Variants in SEPTIN7 observed in about 807,000 individuals in gnomAD.
SEPTIN7 encodes septin-7.
In SEPTIN7, 10 loss-of-function variants were observed where a neutral mutation model predicts 63.3. The ratio of observed to expected loss-of-function variants is 0.16; its 90% confidence interval spans 0.10 to 0.27. SEPTIN7 has a LOEUF of 0.27. Ranked by LOEUF, SEPTIN7 falls within the 10% of genes least tolerant of loss-of-function variation. The pLI, the probability that SEPTIN7 is intolerant of heterozygous loss-of-function variation, is 1.00. For synonymous variants in SEPTIN7, 131 were observed against 165.3 expected (o/e 0.79, Z 1.59); for missense variants, 310 against 521.0 (o/e 0.59, Z 3.94).
chr7:35,821,805 G>A (rs1461766321), intron 1 of SEPTIN7, among the ~76,000 whole-genome samples: 1 of 152,148 alleles, frequency 6.6e-6, no homozygotes, highest in East Asian at 1.9e-4. Flanking sequence ...TTGAAATGGA[G>A]TCTCACTCTG....
In SEPTIN7 at chr7:35,847,692, T is replaced by G. The variant is rs1229655302; in HGVS notation, c.169+14792T>G. Among the ~76,000 whole-genome samples, 3 of 152,228 alleles carry G rather than the reference T, an allele frequency of 2.0e-5. No individual in the cohort carries two copies. In the East Asian group the frequency reaches 5.8e-4, roughly 29 times the overall value. The stretch of plus-strand genomic sequence containing the variant: ...ATGACAATTTCATTGTTATATTTCT[T>G]GTGAATGTTGTAACTTAAAAATAAA... On this transcript the variant is annotated intron_variant, in intron 3 of 13. Coordinates refer to ENST00000350320, the MANE Select transcript of SEPTIN7 (RefSeq NM_001788.6).
At chr7:35,860,502 C>A (rs1357747457) in intron 3 of SEPTIN7, among the ~76,000 whole-genome samples, 2 of 152,148 alleles carry the variant, frequency 1.3e-5, no homozygotes, top group Non-Finnish European at 2.9e-5. Context: ...ACCTGAAGGA[C>A]TACCTTCAGT....
chr7:35,878,147 G>A (rs1273840508), intron 6 of SEPTIN7, among the ~76,000 whole-genome samples: 3 of 152,042 alleles, frequency 2.0e-5, no homozygotes, highest in Non-Finnish European at 4.4e-5. Context: ...AGGCAGTTAT[G>A]GTACAGCACA....
At chr7:35,859,880 A>G (rs1173033923) in intron 3 of SEPTIN7, among the ~76,000 whole-genome samples, 3 of 152,164 alleles carry the variant, frequency 2.0e-5, no homozygotes, top group Non-Finnish European at 2.9e-5. Flanking sequence ...TCTTAGATCT[A>G]CAATGTGTCT....
At chr7:35,862,975 G>A (rs1785594349) in intron 3 of SEPTIN7, among the ~76,000 whole-genome samples, 1 of 152,026 alleles carries the variant, frequency 6.6e-6, no homozygotes, top group Non-Finnish European at 1.5e-5. Flanking sequence ...TCGAGTAGAA[G>A]CAATATAAAA....
At chr7:35,801,416 C>G (rs1384801328) in intron 1 of SEPTIN7, 146 bp downstream of exon 1, 1 of 1,017,320 alleles carries the variant, frequency 9.8e-7, no homozygotes, top group Non-Finnish European at 1.3e-6. Context: ...CACTGCGGGC[C>G]CGGGGCGCGG....
chr7:35,872,483 A>G (rs1786209560), intron 4 of SEPTIN7, among the ~76,000 whole-genome samples, 183 bp from the exon 5 acceptor site: 1 of 152,126 alleles, frequency 6.6e-6, no homozygotes, highest in Non-Finnish European at 1.5e-5. Context: ...TTTTCTTTCA[A>G]ATAATCTGGA....
At chr7:35,896,594 G>C (rs1463436882) in intron 11 of SEPTIN7, among the ~76,000 whole-genome samples, 2 of 152,244 alleles carry the variant, frequency 1.3e-5, no homozygotes, top group Admixed American at 6.5e-5. Flanking sequence ...AATATGAGGA[G>C]TATATTATTA....
At chr7:35,842,393 A>G (rs1309124955) in intron 3 of SEPTIN7, among the ~76,000 whole-genome samples, 3 of 151,072 alleles carry the variant, frequency 2.0e-5, no homozygotes, top group Non-Finnish European at 4.4e-5. Flanking sequence ...TCATGTATTT[A>G]TATCTAGGTC....
intron 1 of SEPTIN7, among the ~76,000 whole-genome samples, chr7:35,809,230 C>T (rs1182465557): frequency 6.6e-6 from 1 of 152,184 alleles, no homozygotes; most frequent in Non-Finnish European, 1.5e-5. Context: ...GTTTTCGGAT[C>T]TAGAGTCAGA....
intron 3 of SEPTIN7, among the ~76,000 whole-genome samples, chr7:35,837,743 A>T (rs925491107): frequency 6.6e-6 from 1 of 151,828 alleles, no homozygotes; most frequent in Non-Finnish European, 1.5e-5. Context: ...TTATTTATTT[A>T]TTTTTTGAGA....
At chr7:35,801,973 G>A (rs983720436) in intron 1 of SEPTIN7, among the ~76,000 whole-genome samples, 14 of 152,284 alleles carry the variant, frequency 9.2e-5, no homozygotes, top group African/African-American at 3.4e-4. Context: ...GAGAACGGAG[G>A]GAGAATCGGT....
At chr7:35,861,449 A>G (rs576227552) in intron 3 of SEPTIN7, among the ~76,000 whole-genome samples, 3 of 152,252 alleles carry the variant, frequency 2.0e-5, no homozygotes, top group South Asian at 4.1e-4. Flanking sequence ...TTCTCTGCTG[A>G]TTAGTTGAGC....
downstream of SEPTIN7, among the ~76,000 whole-genome samples, chr7:35,907,307 G>A (rs1788647859): frequency 6.6e-6 from 1 of 152,156 alleles, no homozygotes; most frequent in Admixed American, 6.5e-5. Context: ...GTAAGCCCTT[G>A]TACTTCATCC....
At chr7:35,912,151 C>T in the SEPTIN7 span, among the ~76,000 whole-genome samples, 1 of 152,222 alleles carries the variant, frequency 6.6e-6, no homozygotes, top group Non-Finnish European at 1.5e-5. Flanking sequence ...TGGCCATAAA[C>T]TGGCCACAAA....
intron 1 of SEPTIN7, among the ~76,000 whole-genome samples, chr7:35,805,273 GC>G (rs1788258941): frequency 3.9e-5 from 6 of 152,086 alleles, no homozygotes; most frequent in Admixed American, 3.9e-4. Context: ...AATTTTTTTA[GC>G]TCCATAGTAA....
chr7:35,865,215 T>C, intron 4 of SEPTIN7, among the ~76,000 whole-genome samples: 1 of 152,304 alleles, frequency 6.6e-6, no homozygotes. Context: ...TTTAGGTATT[T>C]ATGAATTTAG....
At chr7:35,900,419 A>G (rs969118278) in intron 12 of SEPTIN7, 7 of 152,240 alleles carry the variant, frequency 4.6e-5, no homozygotes, top group African/African-American at 1.7e-4. Flanking sequence ...ACACACCCCT[A>G]ATCAAAAGTC....
At chr7:35,869,519 C>G (rs945680624) in intron 4 of SEPTIN7, among the ~76,000 whole-genome samples, 7 of 152,074 alleles carry the variant, frequency 4.6e-5, no homozygotes, top group African/African-American at 1.7e-4. Context: ...GAGGTAGGCT[C>G]TTGACAGAAA....
Sources: gnomAD v4.1 joint callset for allele counts (sites outside exome capture counted in the v4.1 genomes callset) on GRCh38, gnomAD v4.1.1 for gene constraint, MANE v1.5 for transcripts, NCBI Gene and HGNC (gene_info 2026-07-23, HGNC 2026-07-21) for gene names.